RC3H2: variants seen among roughly 807,000 people sequenced by gnomAD.
The protein encoded by RC3H2 is ring finger and CCCH-type domains 2, also known as roquin-2.
In RC3H2, 31 loss-of-function variants were observed where a neutral mutation model predicts 133.3. The observed-to-expected ratio is 0.23, with a 90% CI of 0.17 to 0.31. The LOEUF (loss-of-function observed/expected upper bound fraction) is 0.31, where lower values mean the gene tolerates loss of function less well. RC3H2 is among the 10% of genes least tolerant of loss of function. The pLI, the probability that RC3H2 is intolerant of heterozygous loss-of-function variation, is 1.00. For missense variants in RC3H2, 1,175 were observed against 1,437.2 expected (o/e 0.82, Z 2.95); for synonymous variants, 517 against 502.2 (o/e 1.03, Z -0.40).
chr9:122,849,890 A>T, intron 20 of RC3H2, 68 bp from the exon 21 acceptor site: 1 of 1,092,718 alleles, frequency 9.2e-7, no homozygotes, highest in Non-Finnish European at 1.3e-6. Context: ...GTGACTATAC[A>T]TATTTAATGA....
At chr9:122,889,013 G>C (rs924557134) in intron 4 of RC3H2, among the ~76,000 whole-genome samples, 1 of 152,144 alleles carries the variant, frequency 6.6e-6, no homozygotes, top group Non-Finnish European at 1.5e-5. Context: ...CAATCTGATA[G>C]GTGAGAAATG....
chr9:122,854,015 C>A lies in RC3H2; in HGVS notation c.3054G>T (p.Leu1018=). 4 of 1,614,204 alleles carry A rather than the reference C, an allele frequency of 2.5e-6. No homozygotes were observed. The highest frequency in any genetic ancestry group is 3.4e-6 in the Non-Finnish European group (4 of 1,180,038). The change falls in exon 18 of 21, where the codon CTG becomes CTT. Residue 1018 remains leucine, a synonymous_variant. Coordinates refer to ENST00000357244, the MANE Select transcript of RC3H2 (RefSeq NM_001100588.3). ...TTAAGGTAAGGTGACGGCCTTCATC[C>A]AGGGAATTCCACTTCTGTTGCATGG... ...ALAMQQKWNS[L]DEGRHLTLNL... is the part of the protein sequence containing the mutation.
intron 2 of RC3H2, among the ~76,000 whole-genome samples, chr9:122,893,900 C>T (rs929627799): frequency 5.9e-5 from 9 of 152,234 alleles, no homozygotes; most frequent in Middle Eastern, 6.8e-3. Flanking sequence ...TACTTAACTG[C>T]TCCAAGTCAT....
Position 122,857,590 on chromosome 9 carries a change from A to G in RC3H2, c.2454+333T>C, listed in dbSNP as rs143726986. On this transcript the variant is annotated intron_variant, in intron 13 of 20. Transcript: ENST00000357244. Reference sequence around the variant, plus strand: ...TAAGGTTTTTGTGAGAATTAAATAAAATAGCTTTATGCAAATGTACTAATA... The same window carrying G: ...TAAGGTTTTTGTGAGAATTAAATAAGATAGCTTTATGCAAATGTACTAATA... 7.6e-3 allele frequency among the ~76,000 whole-genome samples: 1,154 copies of G among 152,342 alleles called. 14 individuals carry two copies. The highest frequency in any genetic ancestry group is 0.026 in the African/African-American group (1,091 of 41,570).
intron 9 of RC3H2, among the ~76,000 whole-genome samples, chr9:122,868,089 C>A (rs1479488073): frequency 7.1e-6 from 1 of 140,744 alleles, no homozygotes; most frequent in Non-Finnish European, 1.6e-5. Flanking sequence ...GCACCCCGCC[C>A]GGCCAGCCAC....
At chr9:122,864,519 G>A (rs761854048) in intron 10 of RC3H2, among the ~76,000 whole-genome samples, 5 of 152,098 alleles carry the variant, frequency 3.3e-5, no homozygotes, top group Admixed American at 6.5e-5. Flanking sequence ...TTATGAAGGA[G>A]TAAACTAAGG....
rs757795873 is a variant in RC3H2, at chr9:122,859,884, C to CT, written c.1849+32dup. On this transcript the variant is annotated intron_variant, in intron 11 of 20. Transcript: ENST00000357244. ...CATTTATCTAAAGGAAACAATGTTT[C>CT]TTTTTTTCTTAGAATTGTCTAAAAT... The CT allele has an allele frequency of 2.7e-6, 4 of 1,497,114 alleles. No individual in the cohort carries two copies. The East Asian group carries it at 9.0e-5, about 34-fold the overall frequency. 92.7% of individuals were successfully genotyped at this position (1,497,114 alleles called of 1,614,324 possible).
At chr9:122,877,634 GT>G (rs1218571191) in intron 8 of RC3H2, 51 bp from the exon 9 acceptor site, 1 of 1,369,528 alleles carries the variant, frequency 7.3e-7, no homozygotes, top group Non-Finnish European at 1.0e-6. Context: ...GATTCCATTT[GT>G]TATTCACTCT....
At chr9:122,870,776 C>T (rs1221606606) in intron 9 of RC3H2, among the ~76,000 whole-genome samples, 1 of 152,080 alleles carries the variant, frequency 6.6e-6, no homozygotes. Flanking sequence ...ACCATTAATC[C>T]CTCCCTTGTA....
rs200704130 is a variant in RC3H2 at position 122,856,813 on chromosome 9, C to CA, written c.2455-936_2455-935insT. 7.6e-3 allele frequency among the ~76,000 whole-genome samples: 1,159 copies of CA among 152,224 alleles called. 13 individuals carry two copies. Among genetic ancestry groups the CA allele is most frequent in the African/African-American group, 0.026 (1,095 of 41,518 alleles). ...AAAAGTTAAAAAACTTTTCTCAAGT[C>CA]GAACTCAGCAGATCGGAGTCTCAGG... On this transcript the variant is annotated intron_variant, in intron 13 of 20. Coordinates refer to ENST00000357244, the MANE Select transcript of RC3H2 (RefSeq NM_001100588.3).
In RC3H2 at chr9:122,880,093, G is replaced by C; in HGVS notation, c.993C>G (p.Val331=). 6.2e-7 allele frequency: 1 copy of C among 1,614,092 alleles called. No homozygotes were observed. Among genetic ancestry groups the C allele is most frequent in the Non-Finnish European group, 8.5e-7 (1 of 1,179,986 alleles). Reference sequence around the variant, plus strand: ...GTTGCAAAACAATTGTCAATTCCTGGACACTCTTTGCAAATGACTCTGGAG... The same window carrying C: ...GTTGCAAAACAATTGTCAATTCCTGCACACTCTTTGCAAATGACTCTGGAG... ...LQSPESFAKS[V]QELTIVLQRT... is the part of the protein sequence containing the mutation. Residue 331 remains valine, a synonymous_variant, in exon 7 of 21, where the codon GTC becomes GTG. Coordinates refer to ENST00000357244, the MANE Select transcript of RC3H2 (RefSeq NM_001100588.3).
chr9:122,902,668 A>G (rs1832700923), intron 1 of RC3H2, among the ~76,000 whole-genome samples: 1 of 152,086 alleles, frequency 6.6e-6, no homozygotes, highest in Non-Finnish European at 1.5e-5. Flanking sequence ...CCTGGTCAAC[A>G]TGGCAAAACC....
intron 9 of RC3H2, among the ~76,000 whole-genome samples, chr9:122,873,308 A>T (rs1246683035): frequency 1.3e-5 from 2 of 152,168 alleles, no homozygotes; most frequent in African/African-American, 4.8e-5. Flanking sequence ...ACAGCAATAG[A>T]GTGTGAAGCT....
At chr9:122,870,409 CAAACAAAAA>C (rs1831029305) in intron 9 of RC3H2, among the ~76,000 whole-genome samples, 1 of 34,822 alleles carries the variant, frequency 2.9e-5, no homozygotes, top group African/African-American at 6.8e-5. Flanking sequence ...AACAAACAAA[CAAACAAAAA>C]AAAAACAACA....
At position 122,865,388 on chromosome 9, in the gene RC3H2, T is replaced by C. The variant is rs757775949; in HGVS notation, c.1595A>G (p.Gln532Arg). The change falls in exon 10 of 21, where the codon CAG (glutamine) becomes CGG (arginine). Residue 532 changes from glutamine (Q) to arginine (R), a missense_variant. Gln to Arg is a conservative substitution (Grantham distance 43, BLOSUM62 1). Around this residue, in one of 8 missense-constraint regions of RC3H2, gnomAD observed 490 missense variants for 492.8 expected, o/e 0.99. Coordinates refer to ENST00000357244, the MANE Select transcript of RC3H2 (RefSeq NM_001100588.3). ...ATCTGCAGAGGGCCCAGCAGCATTCTGACCATTAGCGCCAACCTTTCCCAC... is the reference window on the plus strand; with the variant it reads ...ATCTGCAGAGGGCCCAGCAGCATTCCGACCATTAGCGCCAACCTTTCCCAC... ...KKVGKVGANG[Q>R]NAAGPSADSV... The C allele has an allele frequency of 6.2e-7, 1 of 1,613,768 alleles. No homozygotes were observed. Among genetic ancestry groups the C allele is most frequent in the East Asian group, 2.2e-5 (1 of 44,880 alleles).
chr9:122,857,664 C>T (rs1227872374), intron 13 of RC3H2, among the ~76,000 whole-genome samples: 2 of 152,134 alleles, frequency 1.3e-5, no homozygotes, highest in Non-Finnish European at 2.9e-5. Context: ...ATAAATCACA[C>T]TATTAATAAA....
intron 16 of RC3H2, 63 bp downstream of exon 16, chr9:122,854,468 G>A (rs1830166885): frequency 7.6e-7 from 1 of 1,314,962 alleles, no homozygotes; most frequent in African/African-American, 1.4e-5. Context: ...GGTAGAATGT[G>A]TACCCTTAAG....
At chr9:122,879,965 A>G in intron 7 of RC3H2, 28 bp downstream of exon 7, 1 of 1,612,740 alleles carries the variant, frequency 6.2e-7, no homozygotes, top group Admixed American at 1.7e-5. Context: ...AGAAAAAAAT[A>G]TAAGCAACTG....
intron 2 of RC3H2, among the ~76,000 whole-genome samples, chr9:122,893,841 T>A (rs550204406): frequency 6.6e-6 from 1 of 152,218 alleles, no homozygotes; most frequent in African/African-American, 2.4e-5. Context: ...GGTCAAAACT[T>A]GGGTAAAAAT....
Sources: allele counts gnomAD v4.1 joint callset (sites outside exome capture counted in the v4.1 genomes callset), GRCh38; gene constraint gnomAD v4.1.1; regional missense constraint gnomAD v4.1.1; transcripts MANE v1.5; gene names NCBI Gene and HGNC (gene_info 2026-07-23, HGNC 2026-07-21).